Variants in HCN1 observed in about 807,000 individuals in gnomAD.
HCN1 encodes potassium/sodium hyperpolarization-activated cyclic nucleotide-gated channel 1.
A neutral mutation model predicts 78.9 loss-of-function variants in HCN1; 13 were observed. That is an observed-to-expected ratio of 0.16 (90% CI 0.11 to 0.26). HCN1 has a LOEUF of 0.26. Ranked by LOEUF, HCN1 falls within the 10% of genes least tolerant of loss-of-function variation. The pLI, the probability that HCN1 is intolerant of heterozygous loss-of-function variation, is 1.00. For missense variants in HCN1, 810 were observed against 1,154.3 expected, an observed-to-expected ratio of 0.70 and a Z score of 4.32; for synonymous variants, 552 against 455.5, an observed-to-expected ratio of 1.21 and a Z score of -2.70.
chr5:45,376,349 T>TATAG (rs1198836343), intron 4 of HCN1, among the ~76,000 whole-genome samples: 2 of 109,494 alleles, frequency 1.8e-5, no homozygotes, highest in African/African-American at 7.1e-5. Flanking sequence ...TATATATATA[T>TATAG]AGAGAGAGAG....
At chr5:45,655,931 C>G (rs1745757365) in intron 1 of HCN1, among the ~76,000 whole-genome samples, 1 of 152,152 alleles carries the variant, frequency 6.6e-6, no homozygotes, top group African/African-American at 2.4e-5. Context: ...CAAATACTCT[C>G]TCCAAATAGT....
intron 5 of HCN1, among the ~76,000 whole-genome samples, chr5:45,317,466 A>C (rs1746018879): frequency 1.3e-5 from 2 of 152,236 alleles, no homozygotes; most frequent in African/African-American, 2.4e-5. Flanking sequence ...AAACCCTAGA[A>C]GAAGACCTAG....
intron 5 of HCN1, among the ~76,000 whole-genome samples, chr5:45,338,993 C>G (rs1198179192): frequency 6.6e-6 from 1 of 152,102 alleles, no homozygotes; most frequent in South Asian, 2.1e-4. Flanking sequence ...ATTAGAAAAG[C>G]AAAAGCTGAA....
chr5:45,417,743 T>C (rs540770684), intron 3 of HCN1, among the ~76,000 whole-genome samples: 1 of 105,002 alleles, frequency 9.5e-6, no homozygotes, highest in Admixed American at 1.5e-4. Context: ...CTCATTAGTG[T>C]AGAGAGACAA....
Position 45,254,989 on chromosome 5 carries a change from T to C in HCN1, c.*6932A>G, listed in dbSNP as rs1000853803. 3 of 152,266 alleles carry C rather than the reference T, an allele frequency of 2.0e-5. No homozygotes were observed. Among genetic ancestry groups the C allele is most frequent in the Non-Finnish European group, 4.4e-5 (3 of 68,058 alleles). 9.4% of individuals were successfully genotyped at this position (152,266 alleles called of 1,614,324 possible). On this transcript the variant is annotated 3_prime_UTR_variant, in exon 8 of 8. Coordinates refer to ENST00000303230, the MANE Select transcript of HCN1 (RefSeq NM_021072.4). ...TTATTTTTATAATGTCAATGTATTATTGATAGCATTAAAAATGTTACAGAA... is the reference window on the plus strand; with the variant it reads ...TTATTTTTATAATGTCAATGTATTACTGATAGCATTAAAAATGTTACAGAA...
At chr5:45,294,178 G>A (rs1012238161) in intron 6 of HCN1, among the ~76,000 whole-genome samples, 4 of 151,982 alleles carry the variant, frequency 2.6e-5, no homozygotes, top group African/African-American at 9.7e-5. Flanking sequence ...ATTGGCAGAT[G>A]TTTCAGTCCT....
intron 2 of HCN1, among the ~76,000 whole-genome samples, chr5:45,494,902 ATAGT>A (rs1288204822): frequency 8.6e-5 from 13 of 151,452 alleles, no homozygotes; most frequent in African/African-American, 3.2e-4. Context: ...CAAAGATCAG[ATAGT>A]TGTAGATATG....
chr5:45,660,470 A>C (rs949070523), intron 1 of HCN1, among the ~76,000 whole-genome samples: 10 of 147,680 alleles, frequency 6.8e-5, no homozygotes, highest in African/African-American at 2.5e-4. Context: ...CTTTAAATAT[A>C]AATGGACTAA....
intron 2 of HCN1, among the ~76,000 whole-genome samples, chr5:45,469,078 T>C (rs75898866): frequency 0.096 from 14,649 of 152,022 alleles, 951 homozygotes; most frequent in Middle Eastern, 0.16. Flanking sequence ...TTTAATATTA[T>C]AGAGTCATAT....
chr5:45,534,149 A>C (rs1265177689), intron 2 of HCN1, among the ~76,000 whole-genome samples: 1 of 151,722 alleles, frequency 6.6e-6, no homozygotes, highest in Non-Finnish European at 1.5e-5. Flanking sequence ...TAATCCCAGA[A>C]CTTTGGGAGG....
At chr5:45,537,272 C>A (rs951656367) in intron 2 of HCN1, among the ~76,000 whole-genome samples, 3 of 152,054 alleles carry the variant, frequency 2.0e-5, no homozygotes, top group Non-Finnish European at 2.9e-5. Context: ...AAAAATATTT[C>A]TTTCAGTTTA....
intron 6 of HCN1, among the ~76,000 whole-genome samples, chr5:45,276,341 T>C (rs1313712736): frequency 6.6e-6 from 1 of 152,122 alleles, no homozygotes; most frequent in Non-Finnish European, 1.5e-5. Flanking sequence ...CACACTTTAA[T>C]ATGTATGGGA....
At chr5:45,325,248 A>G (rs1746213664) in intron 5 of HCN1, among the ~76,000 whole-genome samples, 1 of 151,708 alleles carries the variant, frequency 6.6e-6, no homozygotes, top group Non-Finnish European at 1.5e-5. Flanking sequence ...GCCAGGTTCC[A>G]ATTCAGATTC....
At chr5:45,591,524 A>G (rs1315781696) in intron 2 of HCN1, among the ~76,000 whole-genome samples, 2 of 152,178 alleles carry the variant, frequency 1.3e-5, no homozygotes, top group African/African-American at 4.8e-5. Flanking sequence ...AGGACTTATG[A>G]CATGAAGCAT....
chr5:45,497,836 C>T (rs1008947944), intron 2 of HCN1, among the ~76,000 whole-genome samples: 18 of 152,186 alleles, frequency 1.2e-4, no homozygotes, highest in Non-Finnish European at 2.6e-4. Context: ...ATTTCTCCTT[C>T]ACTTATGAAG....
At chr5:45,493,916 C>A (rs952082601) in intron 2 of HCN1, among the ~76,000 whole-genome samples, 1 of 152,022 alleles carries the variant, frequency 6.6e-6, no homozygotes, top group Non-Finnish European at 1.5e-5. Context: ...CATGTCCCTA[C>A]AAAGGACATG....
At chr5:45,378,019 C>A (rs764592049) in intron 4 of HCN1, among the ~76,000 whole-genome samples, 3 of 151,724 alleles carry the variant, frequency 2.0e-5, no homozygotes, top group Non-Finnish European at 4.4e-5. Flanking sequence ...ATTTAAAGTG[C>A]CTTTTGGGTG....
chr5:45,295,627 T>C (rs1561092684), intron 6 of HCN1, among the ~76,000 whole-genome samples: 1 of 152,028 alleles, frequency 6.6e-6, no homozygotes, highest in South Asian at 2.1e-4. Flanking sequence ...AACTTTTGAG[T>C]TTGATCTTTC....
rs1237172149 is a variant in HCN1 at position 45,256,630 on chromosome 5, A to C, written c.*5291T>G. ...CTGCAGCCTTGACCTCCTAAGTTCAAGCGATCCTCCTGCCTTAACTTTCTG... is the reference window on the plus strand; with the variant it reads ...CTGCAGCCTTGACCTCCTAAGTTCACGCGATCCTCCTGCCTTAACTTTCTG... On this transcript the variant is annotated 3_prime_UTR_variant, in exon 8 of 8. Coordinates refer to ENST00000303230, the MANE Select transcript of HCN1 (RefSeq NM_021072.4). The C allele has an allele frequency of 6.6e-6, 1 of 152,240 alleles. No homozygotes were observed. The highest frequency in any genetic ancestry group is 1.5e-5 in the Non-Finnish European group (1 of 68,102). The allele number at this position is 152,240 out of a possible 1,614,324, so 9.4% of individuals were successfully genotyped here. A position where few individuals can be genotyped will look rare whatever the true frequency, so the allele number is the denominator to read the frequency against.
Sources: gnomAD v4.1 joint callset for allele counts (sites outside exome capture counted in the v4.1 genomes callset) on GRCh38, gnomAD v4.1.1 for gene constraint, MANE v1.5 for transcripts, NCBI Gene and HGNC (gene_info 2026-07-23, HGNC 2026-07-21) for gene names.